DLG2: variants seen among roughly 807,000 people sequenced by gnomAD.
The protein encoded by DLG2 is disks large homolog 2.
A neutral mutation model predicts 132.5 loss-of-function variants in DLG2; 45 were observed. That is an observed-to-expected ratio of 0.34 (90% CI 0.27 to 0.44). The LOEUF (loss-of-function observed/expected upper bound fraction) is 0.44. Among genes scored for constraint, DLG2 ranks in the 20% least tolerant of loss-of-function variants. DLG2 has a pLI of 1.00. For missense variants in DLG2, 1,045 were observed against 1,196.9 expected, an observed-to-expected ratio of 0.87 and a Z score of 1.87; for synonymous variants, 424 against 419.6, an observed-to-expected ratio of 1.01 and a Z score of -0.13.
At chr11:84,387,057 CGTT>C (rs2098773550) in intron 7 of DLG2, among the ~76,000 whole-genome samples, 1 of 152,112 alleles carries the variant, frequency 6.6e-6, no homozygotes, top group East Asian at 1.9e-4. Flanking sequence ...GTACTCATGT[CGTT>C]TTGGAACTCC....
intron 8 of DLG2, among the ~76,000 whole-genome samples, chr11:84,220,395 T>A (rs2096896504): frequency 6.6e-6 from 1 of 152,080 alleles, no homozygotes; most frequent in East Asian, 1.9e-4. Flanking sequence ...TTACCATAGG[T>A]TTTCTAATTA....
intron 3 of DLG2, among the ~76,000 whole-genome samples, chr11:85,526,332 A>G (rs922560624): frequency 1.3e-5 from 2 of 152,202 alleles, no homozygotes; most frequent in Non-Finnish European, 2.9e-5. Flanking sequence ...AGGAACAAAG[A>G]TAAGAATTAC....
intron 6 of DLG2, among the ~76,000 whole-genome samples, chr11:84,718,862 A>T (rs914555143): frequency 6.6e-6 from 1 of 152,128 alleles, no homozygotes; most frequent in Non-Finnish European, 1.5e-5. Flanking sequence ...CAATTCTAAG[A>T]TCTCTTCGGG....
chr11:85,049,398 T>C (rs2062671870), intron 6 of DLG2, among the ~76,000 whole-genome samples: 4 of 152,090 alleles, frequency 2.6e-5, no homozygotes, highest in African/African-American at 9.7e-5. Context: ...CCTAGCACTA[T>C]GTCTGCAATA....
chr11:84,386,285 A>G (rs530912801), intron 7 of DLG2, among the ~76,000 whole-genome samples: 1 of 152,006 alleles, frequency 6.6e-6, no homozygotes, highest in Non-Finnish European at 1.5e-5. Context: ...ATTGATTTCT[A>G]TACATGAAAA....
At chr11:85,202,388 A>G (rs972701614) in intron 4 of DLG2, among the ~76,000 whole-genome samples, 5 of 152,198 alleles carry the variant, frequency 3.3e-5, no homozygotes, top group Admixed American at 3.3e-4. Context: ...GAGCATCCAA[A>G]TATATAAAGT....
chr11:84,601,581 G>T (rs2099576606), intron 6 of DLG2, among the ~76,000 whole-genome samples: 1 of 151,972 alleles, frequency 6.6e-6, no homozygotes, highest in Non-Finnish European at 1.5e-5. Flanking sequence ...AAAATGACAG[G>T]ATTTGGTATC....
At chr11:83,838,951 A>T (rs1359487035) in intron 16 of DLG2, among the ~76,000 whole-genome samples, 1 of 152,234 alleles carries the variant, frequency 6.6e-6, no homozygotes, top group Admixed American at 6.5e-5. Flanking sequence ...GGAAGTAAAG[A>T]TTATTCTTAC....
chr11:83,553,483 C>CGTGTGTGTGTGT (rs71959561), intron 19 of DLG2, among the ~76,000 whole-genome samples: 2,969 of 143,790 alleles, frequency 0.021, 71 homozygotes, highest in African/African-American at 0.05. Context: ...AAGTAAGCAC[C>CGTGTGTGTGTGT]GTGTGTGTGT....
intron 4 of DLG2, among the ~76,000 whole-genome samples, chr11:85,193,570 T>A (rs1344763202): frequency 6.6e-6 from 1 of 152,170 alleles, no homozygotes; most frequent in Non-Finnish European, 1.5e-5. Flanking sequence ...ACTTCTTCCT[T>A]CTGGTGGGTG....
chr11:85,021,541 G>C, intron 6 of DLG2: 10 of 1,587,888 alleles, frequency 6.3e-6, no homozygotes, highest in Non-Finnish European at 8.6e-6. Flanking sequence ...GCCATACTTC[G>C]AAAAGATTGC....
chr11:84,821,627 T>TAAAAAAAAAAAAAA (rs770947930), intron 6 of DLG2, among the ~76,000 whole-genome samples: 1 of 70,908 alleles, frequency 1.4e-5, no homozygotes, highest in Non-Finnish European at 3.2e-5. Context: ...TCATACAATG[T>TAAAAAAAAAAAAAA]AAAAAAAAAA....
chr11:85,269,228 A>G (rs2077385110), intron 4 of DLG2, among the ~76,000 whole-genome samples: 1 of 152,182 alleles, frequency 6.6e-6, no homozygotes. Context: ...GATCTACCTC[A>G]TCTACTTCCT....
chr11:84,960,389 T>G (rs1046719738), intron 6 of DLG2, among the ~76,000 whole-genome samples: 20 of 152,208 alleles, frequency 1.3e-4, no homozygotes, highest in African/African-American at 4.3e-4. Context: ...CTCTTATATT[T>G]GAATATAATT....
chr11:85,503,495 G>A (rs935808814), intron 3 of DLG2, among the ~76,000 whole-genome samples: 2 of 152,058 alleles, frequency 1.3e-5, no homozygotes, highest in Admixed American at 1.3e-4. Flanking sequence ...AATGTAAGTT[G>A]AAACTTATCT....
intron 7 of DLG2, among the ~76,000 whole-genome samples, chr11:84,293,227 C>T (rs1221022316): frequency 6.6e-6 from 1 of 151,638 alleles, no homozygotes; most frequent in Non-Finnish European, 1.5e-5. Flanking sequence ...GCACTGGAGG[C>T]AAAAAGCCAG....
chr11:83,824,334 A>G (rs2051835756), intron 17 of DLG2, among the ~76,000 whole-genome samples: 2 of 152,142 alleles, frequency 1.3e-5, no homozygotes, highest in South Asian at 2.1e-4. Flanking sequence ...TCCATGTTAT[A>G]TTGGAAATAA....
At chr11:84,162,733 A>C (rs569518639) in intron 9 of DLG2, among the ~76,000 whole-genome samples, 1 of 152,212 alleles carries the variant, frequency 6.6e-6, no homozygotes, top group African/African-American at 2.4e-5. Context: ...ATTCCTTTTA[A>C]GTTTCTGTCA....
chr11:84,273,267 G>T, intron 7 of DLG2: 1 of 1,280,540 alleles, frequency 7.8e-7, no homozygotes, highest in South Asian at 1.4e-5. Flanking sequence ...GCGAAAGCTG[G>T]TAACACTCAA....
Sources: gnomAD v4.1 joint callset for allele counts (sites outside exome capture counted in the v4.1 genomes callset) on GRCh38, gnomAD v4.1.1 for gene constraint, MANE v1.5 for transcripts, NCBI Gene and HGNC (gene_info 2026-07-23, HGNC 2026-07-21) for gene names.